Variants in ASAP2 observed in about 807,000 individuals in gnomAD.
ASAP2 encodes the protein arf-GAP with SH3 domain, ANK repeat and PH domain-containing protein 2.
In ASAP2, 45 loss-of-function variants were observed where a neutral mutation model predicts 131.4. The ratio of observed to expected loss-of-function variants is 0.34; its 90% CI spans 0.27 to 0.44. The LOEUF (loss-of-function observed/expected upper bound fraction) is 0.44, where lower values mean the gene tolerates loss of function less well. Ranked by LOEUF, ASAP2 falls within the 20% of genes least tolerant of loss-of-function variation. The pLI is 1.00. For missense variants in ASAP2, 1,011 were observed against 1,297.0 expected, an observed-to-expected ratio of 0.78 and a Z score of 3.39; for synonymous variants, 510 against 503.0, an observed-to-expected ratio of 1.01 and a Z score of -0.19.
intron 16 of ASAP2, among the ~76,000 whole-genome samples, chr2:9,373,670 G>C: frequency 6.6e-6 from 1 of 152,234 alleles, no homozygotes; most frequent in South Asian, 2.1e-4. Flanking sequence ...AGAGAGCGGA[G>C]GTCAGGAGGG....
In ASAP2 at chr2:9,350,796, G is replaced by A. The variant is rs1157452245; in HGVS notation, c.1024-12G>A. On this transcript the variant is annotated splice_polypyrimidine_tract_variant and intron_variant, in intron 11 of 27. Transcript: ENST00000281419. ...ACCCCAACCTTTTTTGTTGTTTTTT[G>A]CTTTTAAACAGGCTAACCGGCCTCC... 1 of 1,605,298 alleles carries A rather than the reference G, an allele frequency of 6.2e-7. No individual in the cohort carries two copies. Among genetic ancestry groups the A allele is most frequent in the Non-Finnish European group, 8.5e-7 (1 of 1,175,902 alleles).
chr2:9,395,594 CTTT>C, intron 24 of ASAP2, among the ~76,000 whole-genome samples: 3 of 59,048 alleles, frequency 5.1e-5, no homozygotes, highest in South Asian at 5.9e-4. Flanking sequence ...TGTTTTTTTT[CTTT>C]TTTTTTTTTT....
chr2:9,333,996 CT>C (rs1671012589), intron 7 of ASAP2, among the ~76,000 whole-genome samples: 1 of 139,778 alleles, frequency 7.2e-6, no homozygotes, highest in Admixed American at 7.3e-5. Context: ...TTGGTTGGTT[CT>C]TTTCTGCATT....
intron 3 of ASAP2, among the ~76,000 whole-genome samples, chr2:9,317,442 T>TTA (rs1558324997): frequency 6.6e-6 from 1 of 150,540 alleles, no homozygotes; most frequent in Non-Finnish European, 1.5e-5. Flanking sequence ...ATACTCACAT[T>TTA]CTCACACACA....
At chr2:9,343,113 C>T (rs1192347436) in intron 9 of ASAP2, among the ~76,000 whole-genome samples, 1 of 152,156 alleles carries the variant, frequency 6.6e-6, no homozygotes, top group Non-Finnish European at 1.5e-5. Flanking sequence ...TGAGGATGTT[C>T]TGTGGGGAAA....
chr2:9,360,196 T>C (rs1356062169), intron 15 of ASAP2, among the ~76,000 whole-genome samples: 1 of 152,226 alleles, frequency 6.6e-6, no homozygotes, highest in Non-Finnish European at 1.5e-5. Context: ...TGTTAAGTGA[T>C]TCAAGATGAT....
chr2:9,216,680 C>T (rs886815304), intron 1 of ASAP2, among the ~76,000 whole-genome samples: 2 of 151,840 alleles, frequency 1.3e-5, no homozygotes, highest in Non-Finnish European at 1.5e-5. Context: ...AGGCTGGTCT[C>T]GAACTCCTGA....
chr2:9,307,921 C>T (rs550486667), intron 3 of ASAP2, among the ~76,000 whole-genome samples: 13 of 152,088 alleles, frequency 8.5e-5, no homozygotes, highest in East Asian at 1.9e-4. Context: ...AGTGCATAGA[C>T]GGGAGTGTGT....
chr2:9,241,864 G>A (rs766775590), intron 1 of ASAP2, among the ~76,000 whole-genome samples: 1 of 152,164 alleles, frequency 6.6e-6, no homozygotes, highest in Non-Finnish European at 1.5e-5. Flanking sequence ...GAGAACTCAG[G>A]ACCTGGCAGG....
chr2:9,381,298 G>A (rs756870223), intron 20 of ASAP2, among the ~76,000 whole-genome samples: 7 of 152,226 alleles, frequency 4.6e-5, no homozygotes, highest in Non-Finnish European at 7.3e-5. Flanking sequence ...TGGCCTTGCC[G>A]GGGGCTCCCC....
At chr2:9,288,151 G>C (rs1667584055) in intron 2 of ASAP2, among the ~76,000 whole-genome samples, 1 of 152,128 alleles carries the variant, frequency 6.6e-6, no homozygotes, top group African/African-American at 2.4e-5. Context: ...TGCATACACT[G>C]TTTGGGATGC....
intron 21 of ASAP2, among the ~76,000 whole-genome samples, chr2:9,387,854 A>G (rs1406035449): frequency 1.3e-5 from 2 of 152,214 alleles, no homozygotes; most frequent in Non-Finnish European, 2.9e-5. Flanking sequence ...GAAACATACA[A>G]TCATGGCAGA....
At chr2:9,276,946 C>G (rs1412366016) in intron 1 of ASAP2, among the ~76,000 whole-genome samples, 1 of 152,216 alleles carries the variant, frequency 6.6e-6, no homozygotes, top group Admixed American at 6.5e-5. Flanking sequence ...GAGAGCCTGA[C>G]AGGCTGACAT....
At position 9,388,503 on chromosome 2, in the gene ASAP2, C is replaced by T. The variant is rs201038328; in HGVS notation, c.2340C>T (p.Ser780=). The T allele has an allele frequency of 5.2e-5, 84 of 1,613,784 alleles. No homozygotes were observed. The highest frequency in any genetic ancestry group is 1.2e-4 in the Admixed American group (7 of 59,962). The change falls in exon 22 of 28, where the codon AGC becomes AGT. Residue 780 remains serine (S), a synonymous_variant. Coordinates refer to ENST00000281419, the MANE Select transcript of ASAP2 (RefSeq NM_003887.3). The part of the protein sequence containing the change: ...SPPPAQPAAP[S]TTSAPPLPPR... ...CTCCCGCCCAGCCTGCAGCCCCCAG[C>T]ACCACCAGCGCCCCCCCGCTTCCTC...
Position 9,358,886 on chromosome 2 carries a change from G to T in ASAP2, c.1458G>T (p.Leu486=). Residue 486 remains leucine, a synonymous_variant, in exon 15 of 28, where the codon CTG becomes CTT. Transcript: ENST00000281419. ...TAGATGTACTGGGAACATCTGAGCT[G>T]CTGGTAATTTTTAAATCCTTGATTT... ...LTLDVLGTSE[L]LLAKNIGNAG... is the part of the protein sequence containing the mutation. The T allele has an allele frequency of 6.3e-7, 1 of 1,598,292 alleles. No individual in the cohort carries two copies. Among genetic ancestry groups the T allele is most frequent in the Non-Finnish European group, 8.5e-7 (1 of 1,172,708 alleles).
Position 9,375,373 on chromosome 2 carries a change from G to A in ASAP2, c.1746+429G>A, listed in dbSNP as rs146630056. 9.3e-3 allele frequency among the ~76,000 whole-genome samples: 1,410 copies of A among 152,238 alleles called. 14 individuals are homozygous for A. The highest frequency in any genetic ancestry group is 0.014 in the Non-Finnish European group (955 of 68,018). ...GTAATTCTCCAGAGGAAGACGGCACGGAGAGGGGTACTGGGGTAGAATAAA... is the reference window on the plus strand; with the variant it reads ...GTAATTCTCCAGAGGAAGACGGCACAGAGAGGGGTACTGGGGTAGAATAAA... On this transcript the variant is annotated intron_variant, in intron 17 of 27. Coordinates refer to ENST00000281419, the MANE Select transcript of ASAP2 (RefSeq NM_003887.3).
chr2:9,353,164 G>A (rs1023846836), intron 12 of ASAP2, among the ~76,000 whole-genome samples: 4 of 152,160 alleles, frequency 2.6e-5, no homozygotes, highest in African/African-American at 9.7e-5. Flanking sequence ...GATTCTGGCT[G>A]ATTGAGGAGC....
intron 5 of ASAP2, 97 bp from the exon 6 acceptor site, chr2:9,323,014 GTGGTGAGCGT>G (rs1670248084): frequency 1.5e-6 from 2 of 1,366,194 alleles, no homozygotes; most frequent in East Asian, 4.6e-5. Flanking sequence ...GCTGAAACGT[GTGGTGAGCGT>G]TGGTCTCGCC....
At position 9,314,611 on chromosome 2, in the gene ASAP2, C is replaced by T. The variant is rs182667324; in HGVS notation, c.346-3913C>T. On this transcript the variant is annotated intron_variant, in intron 3 of 27. Coordinates refer to ENST00000281419, the MANE Select transcript of ASAP2 (RefSeq NM_003887.3). ...GTGTGTGAGATCACTAAGATGAACA[C>T]GAGAAGAGCCTGCCAAGTGCCTTAA... Among the ~76,000 whole-genome samples the T allele has an allele frequency of 3.8e-3, 576 of 152,170 alleles. 13 individuals carry two copies. Among genetic ancestry groups the T allele is most frequent in the Non-Finnish European group, 1.3e-3 (87 of 68,004 alleles).
Sources: gnomAD v4.1 joint callset for allele counts (sites outside exome capture counted in the v4.1 genomes callset) on GRCh38, gnomAD v4.1.1 for gene constraint, MANE v1.5 for transcripts, NCBI Gene and HGNC (gene_info 2026-07-23, HGNC 2026-07-21) for gene names.